DNAJC10: variants seen among roughly 807,000 people sequenced by gnomAD.
The protein encoded by DNAJC10 is DnaJ heat shock protein family (Hsp40) member C10, also known as endoplasmic reticulum disulfide reductase DNAJC10.
Under a neutral mutation model 115.0 loss-of-function variants are expected in DNAJC10, and 101 were observed. The observed-to-expected ratio is 0.88, with a 90% confidence interval of 0.75 to 1.04. The LOEUF (loss-of-function observed/expected upper bound fraction) is 1.04. Ranked by LOEUF, DNAJC10 falls within the 50% of genes least tolerant of loss-of-function variation. DNAJC10 has a pLI of 0.00. For missense variants in DNAJC10, 981 were observed against 928.8 expected, an observed-to-expected ratio of 1.06 and a Z score of -0.73; for synonymous variants, 307 against 301.5, an observed-to-expected ratio of 1.02 and a Z score of -0.19.
At chr2:182,756,222 A>C in intron 17 of DNAJC10, 92 bp from the exon 18 acceptor site, 6 of 1,055,462 alleles carry the variant, frequency 5.7e-6, no homozygotes, top group Non-Finnish European at 7.9e-6. Context: ...ATTTTGGATA[A>C]GAGATACTCA....
intron 11 of DNAJC10, among the ~76,000 whole-genome samples, chr2:182,736,823 C>G (rs1019891912): frequency 6.6e-6 from 1 of 152,224 alleles, no homozygotes; most frequent in South Asian, 2.1e-4. Context: ...GATCTCGGCT[C>G]GGTGCAACCT....
chr2:182,743,771 C>A, intron 14 of DNAJC10, 59 bp downstream of exon 14: 1 of 1,226,146 alleles, frequency 8.2e-7, no homozygotes, highest in Non-Finnish European at 1.2e-6. Flanking sequence ...TAGAAGTTTT[C>A]TAATTGTGCT....
intron 23 of DNAJC10, among the ~76,000 whole-genome samples, chr2:182,775,906 T>C (rs1171612828): frequency 6.6e-6 from 1 of 152,072 alleles, no homozygotes. Context: ...GAATAATCCA[T>C]AGGGACAGAA....
At chr2:182,729,117 C>T (rs1574922393) in intron 7 of DNAJC10, 123 bp downstream of exon 7, 1 of 958,434 alleles carries the variant, frequency 1.0e-6, no homozygotes, top group Middle Eastern at 2.6e-4. Context: ...GGTGCCATCT[C>T]ACTAGTCTTC....
At chr2:182,742,441 C>T (rs1574934312) in intron 13 of DNAJC10, among the ~76,000 whole-genome samples, 1 of 152,346 alleles carries the variant, frequency 6.6e-6, no homozygotes, top group East Asian at 1.9e-4. Context: ...CCACCCACCT[C>T]AGCCTCCCAA....
At chr2:182,722,222 C>A (rs1693168510) in intron 5 of DNAJC10, 147 bp downstream of exon 5, 1 of 553,304 alleles carries the variant, frequency 1.8e-6, no homozygotes, top group East Asian at 3.4e-5. Context: ...ATATTTCTAG[C>A]AGAATGTGGG....
At chr2:182,774,997 C>G (rs1316656001) in intron 22 of DNAJC10, among the ~76,000 whole-genome samples, 2 of 152,014 alleles carry the variant, frequency 1.3e-5, no homozygotes, top group Non-Finnish European at 2.9e-5. Context: ...TCTTGGAATG[C>G]CCTCTCAAAC....
At chr2:182,729,552 T>A (rs1018506209) in intron 7 of DNAJC10, among the ~76,000 whole-genome samples, 2 of 152,232 alleles carry the variant, frequency 1.3e-5, no homozygotes, top group Admixed American at 1.3e-4. Flanking sequence ...TTGTATTTGG[T>A]AGTTTACAAA....
chr2:182,728,272 T>G (rs959638277), intron 5 of DNAJC10, among the ~76,000 whole-genome samples: 1 of 152,210 alleles, frequency 6.6e-6, no homozygotes, highest in Non-Finnish European at 1.5e-5. Context: ...TTTACAACTT[T>G]ATGGCCATAT....
At chr2:182,764,453 A>G (rs1333485629) in intron 22 of DNAJC10, among the ~76,000 whole-genome samples, 1 of 152,094 alleles carries the variant, frequency 6.6e-6, no homozygotes, top group Non-Finnish European at 1.5e-5. Context: ...GCTTTTCTAA[A>G]TAGGTGCAGG....
chr2:182,723,335 C>T (rs1419537880), intron 5 of DNAJC10, among the ~76,000 whole-genome samples: 1 of 152,006 alleles, frequency 6.6e-6, no homozygotes, highest in Non-Finnish European at 1.5e-5. Context: ...CATGAGCCAC[C>T]ACATCTGGCC....
Position 182,755,037 on chromosome 2 carries a change from T to C in DNAJC10, c.1586T>C (p.Phe529Ser). 6.2e-7 allele frequency: 1 copy of C among 1,607,808 alleles called. No individual in the cohort carries two copies. The highest frequency in any genetic ancestry group is 8.5e-7 in the Non-Finnish European group (1 of 1,174,402). The change falls in exon 17 of 24, where the codon TTC (phenylalanine) becomes TCC (serine). Residue 529 changes from phenylalanine to serine, a missense_variant. Transcript: ENST00000264065. ...CAGGCTTATCCAACAACAGTGGTATTCAACCAGTCCAACATTCATGAGTAT... is the reference window on the plus strand; with the variant it reads ...CAGGCTTATCCAACAACAGTGGTATCCAACCAGTCCAACATTCATGAGTAT... ...NIQAYPTTVV[F>S]NQSNIHEYEG...
At chr2:182,743,091 G>A (rs996839130) in intron 13 of DNAJC10, among the ~76,000 whole-genome samples, 4 of 151,872 alleles carry the variant, frequency 2.6e-5, no homozygotes, top group Non-Finnish European at 5.9e-5. Context: ...AGGCAATTCA[G>A]CTACCTCAGC....
At chr2:182,736,925 CT>C in intron 11 of DNAJC10, among the ~76,000 whole-genome samples, 1 of 152,034 alleles carries the variant, frequency 6.6e-6, no homozygotes, top group African/African-American at 2.4e-5. Flanking sequence ...AATTTTTGTA[CT>C]TTTAGTAGAG....
At position 182,755,568 on chromosome 2, in the gene DNAJC10, C is replaced by G. The variant is rs111926682; in HGVS notation, c.1653+464C>G. ...TCCAACCCTGTCCTACTCACCTGTT[C>G]CTCCTCCTCTGACGTAATGTTTTGT... On this transcript the variant is annotated intron_variant, in intron 17 of 23. Coordinates refer to ENST00000264065, the MANE Select transcript of DNAJC10 (RefSeq NM_018981.4). Among the ~76,000 whole-genome samples, 105 of 151,912 alleles carry G rather than the reference C, an allele frequency of 6.9e-4. 1 individual carries two copies. Among genetic ancestry groups the G allele is most frequent in the African/African-American group, 2.5e-3 (104 of 41,430 alleles).
chr2:182,720,985 A>G lies in DNAJC10; in HGVS notation c.367+816A>G, dbSNP rs116788354. 5.3e-3 allele frequency among the ~76,000 whole-genome samples: 811 copies of G among 152,174 alleles called. 5 individuals carry two copies. The highest frequency in any genetic ancestry group is 7.8e-3 in the Non-Finnish European group (528 of 67,958). ...ATAAAGGTTCCATATGAGAAGGACG[A>G]AAGGTGTTTTTTTTCTTAAACATGG... On this transcript the variant is annotated intron_variant, in intron 4 of 23. Transcript: ENST00000264065.
In DNAJC10 at chr2:182,792,879, GATTCT is replaced by G. The variant is rs1695077704; in HGVS notation, c.*15753_*15757del. 6.6e-6 allele frequency: 1 copy of G among 152,158 alleles called. No homozygotes were observed. The highest frequency in any genetic ancestry group is 1.5e-5 in the Non-Finnish European group (1 of 68,038). 9.4% of individuals were successfully genotyped at this position (152,158 alleles called of 1,614,324 possible). On this transcript the variant is annotated 3_prime_UTR_variant, in exon 24 of 24. Transcript: ENST00000264065. ...GTATTAAATGTATTGACCTCATGAA[GATTCT>G]ATTCTCGCAGTGGGGAGATAGACAA...
rs1694837401 is a variant in DNAJC10 at position 182,781,190 on chromosome 2, T to G, written c.*4058T>G. 6.6e-6 allele frequency: 1 copy of G among 151,968 alleles called. No homozygotes were observed. The highest frequency in any genetic ancestry group is 1.5e-5 in the Non-Finnish European group (1 of 67,998). 9.4% of individuals were successfully genotyped at this position (151,968 alleles called of 1,614,324 possible). ...TGTCCATATGTTCTCATTGTTCAACTCCCACTTACGAGTGACAACATGTGG... is the reference window on the plus strand; with the variant it reads ...TGTCCATATGTTCTCATTGTTCAACGCCCACTTACGAGTGACAACATGTGG... On this transcript the variant is annotated 3_prime_UTR_variant, in exon 24 of 24. Transcript: ENST00000264065.
In DNAJC10 at chr2:182,781,398, A is replaced by G. The variant is rs1460243352; in HGVS notation, c.*4266A>G. 1.3e-5 allele frequency: 2 copies of G among 152,094 alleles called. No individual in the cohort carries two copies. Among genetic ancestry groups the G allele is most frequent in the Non-Finnish European group, 2.9e-5 (2 of 68,026 alleles). 9.4% of individuals were successfully genotyped at this position (152,094 alleles called of 1,614,324 possible). On this transcript the variant is annotated 3_prime_UTR_variant, in exon 24 of 24. Transcript: ENST00000264065. Reference sequence around the variant, plus strand: ...TTTTGGTTGGTTCCAAGTGTTTCCTATTGTGAATAGTGCTCCAATAAACAT... The same window carrying G: ...TTTTGGTTGGTTCCAAGTGTTTCCTGTTGTGAATAGTGCTCCAATAAACAT...
Sources: allele counts gnomAD v4.1 joint callset (sites outside exome capture counted in the v4.1 genomes callset), GRCh38; gene constraint gnomAD v4.1.1; transcripts MANE v1.5; gene names NCBI Gene and HGNC (gene_info 2026-07-23, HGNC 2026-07-21).